DISP1: variants seen among roughly 807,000 people sequenced by gnomAD.
The protein encoded by DISP1 is dispatched RND transporter family member 1.
In DISP1, 30 loss-of-function variants were observed where a neutral mutation model predicts 37.3. The ratio of observed to expected loss-of-function variants is 0.80; its 90% CI spans 0.60 to 1.09. The LOEUF is 1.09. Ranked by LOEUF, DISP1 falls within the 50% of genes least tolerant of loss-of-function variation. The pLI is 0.00. For missense variants in DISP1, 1,598 were observed against 1,879.5 expected (o/e 0.85, Z 2.77); for synonymous variants, 634 against 690.2 (o/e 0.92, Z 1.28).
intron 3 of DISP1, among the ~76,000 whole-genome samples, chr1:222,974,830 A>G (rs1053854773): frequency 6.6e-6 from 1 of 152,206 alleles, no homozygotes; most frequent in Non-Finnish European, 1.5e-5. Flanking sequence ...AATACTTAAT[A>G]TGAAGAATGG....
chr1:222,972,973 C>G (rs1677064216), intron 3 of DISP1, among the ~76,000 whole-genome samples: 2 of 152,148 alleles, frequency 1.3e-5, no homozygotes, highest in Non-Finnish European at 2.9e-5. Flanking sequence ...CAGTGGTCAT[C>G]AAATTACTTG....
intron 1 of DISP1, among the ~76,000 whole-genome samples, chr1:222,867,375 TTGTC>T: frequency 6.6e-6 from 1 of 152,306 alleles, no homozygotes; most frequent in South Asian, 2.1e-4. Context: ...AGCATATTCT[TTGTC>T]TGTACATAGG....
chr1:222,970,015 G>T (rs1676818675), intron 3 of DISP1, among the ~76,000 whole-genome samples: 1 of 152,106 alleles, frequency 6.6e-6, no homozygotes, highest in African/African-American at 2.4e-5. Context: ...GAAAAAAGAG[G>T]GGCGTATATT....
intron 2 of DISP1, among the ~76,000 whole-genome samples, chr1:222,932,076 T>C (rs1673435576): frequency 6.6e-6 from 1 of 151,946 alleles, no homozygotes; most frequent in South Asian, 2.1e-4. Flanking sequence ...GGTCCAACTG[T>C]TTTCTAATAT....
At chr1:222,865,353 CT>C (rs1489003198) in intron 1 of DISP1, among the ~76,000 whole-genome samples, 1 of 152,030 alleles carries the variant, frequency 6.6e-6, no homozygotes, top group Non-Finnish European at 1.5e-5. Flanking sequence ...GAATTGATTA[CT>C]TTTTGTTTTA....
At chr1:222,997,017 A>G (rs368110263) in intron 8 of DISP1, among the ~76,000 whole-genome samples, 1 of 150,624 alleles carries the variant, frequency 6.6e-6, no homozygotes, top group Admixed American at 6.6e-5. Context: ...ATAGTCTCTC[A>G]TCTCTCCTCT....
chr1:222,844,001 T>A (rs1667755384), intron 1 of DISP1, among the ~76,000 whole-genome samples: 1 of 152,156 alleles, frequency 6.6e-6, no homozygotes, highest in African/African-American at 2.4e-5. Context: ...CTTAAAGTAC[T>A]ACCTTTTTAC....
intron 1 of DISP1, among the ~76,000 whole-genome samples, chr1:222,834,085 G>T (rs975414245): frequency 1.3e-5 from 2 of 152,152 alleles, no homozygotes; most frequent in East Asian, 3.9e-4. Context: ...AGCTCTGAGA[G>T]TACAGACTTT....
At chr1:222,918,878 G>A (rs1672647241) in intron 1 of DISP1, among the ~76,000 whole-genome samples, 1 of 152,228 alleles carries the variant, frequency 6.6e-6, no homozygotes, top group African/African-American at 2.4e-5. Context: ...CTTCAGCAAC[G>A]GCATGCCTCC....
intron 6 of DISP1, 140 bp downstream of exon 6, chr1:222,991,787 A>G (rs1572716270): frequency 9.5e-7 from 1 of 1,047,852 alleles, no homozygotes; most frequent in East Asian, 2.6e-5. Flanking sequence ...TTAACTTGTC[A>G]TTGTGTTTGA....
Position 222,992,864 on chromosome 1 carries a change from A to ATTTTTTTT in DISP1, c.889+761_889+768dup, listed in dbSNP as rs71178523. 6.5e-3 allele frequency among the ~76,000 whole-genome samples: 776 copies of ATTTTTTTT among 118,604 alleles called. 25 individuals are homozygous for ATTTTTTTT. Among genetic ancestry groups the ATTTTTTTT allele is most frequent in the East Asian group, 0.012 (41 of 3,552 alleles). 77.8% of individuals were successfully genotyped at this position (118,604 alleles called of 152,430 possible). A position where few individuals can be genotyped will look rare whatever the true frequency, so the allele number is the denominator to read the frequency against. On this transcript the variant is annotated intron_variant, in intron 7 of 8. Coordinates refer to ENST00000675850, the MANE Select transcript of DISP1 (RefSeq NM_001377229.1). The stretch of plus-strand genomic sequence containing the variant: ...ACTTGCCAGAGGTCAAAAACCCAGA[A>ATTTTTTTT]TTTTTTTTTTTTTTGAGACAGAGTT...
intron 3 of DISP1, among the ~76,000 whole-genome samples, chr1:222,971,029 T>A (rs1172144846): frequency 1.3e-5 from 2 of 152,160 alleles, no homozygotes; most frequent in African/African-American, 4.8e-5. Context: ...ATTTTAAGTT[T>A]AGTTGATTTT....
chr1:222,988,832 T>G (rs1248596933), intron 4 of DISP1, among the ~76,000 whole-genome samples: 2 of 152,144 alleles, frequency 1.3e-5, no homozygotes, highest in Non-Finnish European at 2.9e-5. Context: ...TTTTGCATTT[T>G]TGTAGAGACA....
At chr1:222,915,106 G>A (rs1672424058) in intron 1 of DISP1, among the ~76,000 whole-genome samples, 1 of 152,204 alleles carries the variant, frequency 6.6e-6, no homozygotes, top group Admixed American at 6.5e-5. Flanking sequence ...AGTCGCTGTT[G>A]TCAGTGTATC....
intron 3 of DISP1, among the ~76,000 whole-genome samples, chr1:222,968,669 C>G (rs1676681859): frequency 6.6e-6 from 1 of 152,148 alleles, no homozygotes; most frequent in Non-Finnish European, 1.5e-5. Flanking sequence ...CATGGTGGCT[C>G]ATGCCTGTAA....
intron 1 of DISP1, among the ~76,000 whole-genome samples, chr1:222,855,744 A>C (rs763639939): frequency 3.0e-4 from 45 of 152,144 alleles, no homozygotes; most frequent in Non-Finnish European, 6.2e-4. Context: ...TTTTTCTCCC[A>C]AAATTTTGAA....
chr1:222,920,147 T>A (rs895275659), intron 1 of DISP1, among the ~76,000 whole-genome samples: 6 of 152,206 alleles, frequency 3.9e-5, no homozygotes, highest in African/African-American at 1.4e-4. Flanking sequence ...GTATTAGTTA[T>A]AACCTCTCAA....
intron 1 of DISP1, among the ~76,000 whole-genome samples, chr1:222,894,423 G>A (rs1452594509): frequency 6.6e-6 from 1 of 152,240 alleles, no homozygotes; most frequent in Non-Finnish European, 1.5e-5. Flanking sequence ...AGTCCAGAGG[G>A]GACTGAGGCA....
At chr1:222,933,689 AATGTTTACAAGTG>A (rs1209699911) in intron 2 of DISP1, among the ~76,000 whole-genome samples, 1 of 151,998 alleles carries the variant, frequency 6.6e-6, no homozygotes, top group Non-Finnish European at 1.5e-5. Context: ...CAATATATAA[AATGTTTACAAGTG>A]ATTTGGGGAA....
Sources: allele counts gnomAD v4.1 joint callset (sites outside exome capture counted in the v4.1 genomes callset), GRCh38; gene constraint gnomAD v4.1.1; transcripts MANE v1.5; gene names NCBI Gene and HGNC (gene_info 2026-07-23, HGNC 2026-07-21).